The following MLLT10 variants were observed in gnomAD, a reference collection of about 807,000 sequenced individuals.
MLLT10 encodes the protein protein AF-10.
MLLT10 carries 30 observed loss-of-function variants against 129.1 expected under a neutral mutation model. The observed-to-expected ratio is 0.23, with a 90% CI of 0.17 to 0.32. MLLT10 has a LOEUF of 0.32. Ranked by LOEUF, MLLT10 falls within the 10% of genes least tolerant of loss-of-function variation. MLLT10 has a pLI of 1.00. For missense variants in MLLT10, 1,119 were observed against 1,268.3 expected, an observed-to-expected ratio of 0.88 and a Z score of 1.79; for synonymous variants, 490 against 446.4, an observed-to-expected ratio of 1.10 and a Z score of -1.23.
chr10:21,601,469 G>A (rs2043525104), intron 5 of MLLT10, among the ~76,000 whole-genome samples: 1 of 152,122 alleles, frequency 6.6e-6, no homozygotes, highest in Non-Finnish European at 1.5e-5. Context: ...TTGTTCATGA[G>A]ATTAAAATCT....
chr10:21,598,884 CA>C (rs1174144856), intron 5 of MLLT10, among the ~76,000 whole-genome samples: 2 of 143,150 alleles, frequency 1.4e-5, no homozygotes, highest in Non-Finnish European at 3.1e-5. Context: ...GATTCTGTCT[CA>C]AAAAAAAAAA....
At chr10:21,602,356 AT>A (rs142663738) in intron 5 of MLLT10, among the ~76,000 whole-genome samples, 17 of 151,120 alleles carry the variant, frequency 1.1e-4, no homozygotes, top group Admixed American at 4.0e-4. Context: ...AAATTTATTT[AT>A]TTTTTTTTGA....
At chr10:21,687,101 AT>A (rs936261570) in intron 13 of MLLT10, among the ~76,000 whole-genome samples, 4 of 152,184 alleles carry the variant, frequency 2.6e-5, no homozygotes, top group Non-Finnish European at 5.9e-5. Context: ...TTTAATTATG[AT>A]GCTTCTGGTT....
chr10:21,638,815 G>T (rs2047706714), intron 8 of MLLT10, among the ~76,000 whole-genome samples: 1 of 152,038 alleles, frequency 6.6e-6, no homozygotes, highest in South Asian at 2.1e-4. Context: ...GTTACAGTGG[G>T]GTAGAAATGA....
Position 21,743,417 on chromosome 10 carries a change from A to C in MLLT10, c.*1434A>C, listed in dbSNP as rs985852085. On this transcript the variant is annotated 3_prime_UTR_variant, in exon 23 of 23. Coordinates refer to ENST00000307729, the MANE Select transcript of MLLT10 (RefSeq NM_001195626.3). ...TGAAAAGTAAAATTAATTTATTTTT[A>C]TATGTTCAGGGGAATTTTAAAGTCA... 2 of 197,574 alleles carry C rather than the reference A, an allele frequency of 1.0e-5. No individual in the cohort carries two copies. The highest frequency in any genetic ancestry group is 2.1e-5 in the Non-Finnish European group (2 of 95,334). The allele number at this position is 197,574 out of a possible 1,614,324, so 12.2% of individuals were successfully genotyped here. A position where few individuals can be genotyped will look rare whatever the true frequency, so the allele number is the denominator to read the frequency against.
At position 21,725,900 on chromosome 10, in the gene MLLT10, G is replaced by A. The variant is rs1027911165; in HGVS notation, c.1879-344G>A. Among the ~76,000 whole-genome samples the A allele has an allele frequency of 6.9e-4, 104 of 151,512 alleles. 1 individual carries two copies. The highest frequency in any genetic ancestry group is 1.2e-4 in the Non-Finnish European group (8 of 67,884). ...CGAGTAGCTGGGACTACAGGCGCCC[G>A]CCACCATGCACGGCTAATTTTTTGT... On this transcript the variant is annotated intron_variant, in intron 14 of 22. Coordinates refer to ENST00000307729, the MANE Select transcript of MLLT10 (RefSeq NM_001195626.3).
chr10:21,699,927 G>T (rs938133891), intron 13 of MLLT10, among the ~76,000 whole-genome samples: 10 of 152,024 alleles, frequency 6.6e-5, no homozygotes, highest in Admixed American at 6.6e-4. Context: ...ATGTTATTTT[G>T]ATAAGGACTG....
chr10:21,694,001 A>T (rs989729200), intron 13 of MLLT10, among the ~76,000 whole-genome samples: 3 of 152,090 alleles, frequency 2.0e-5, no homozygotes, highest in East Asian at 1.9e-4. Flanking sequence ...TTTTCTTTTT[A>T]AAAAAAGAGC....
At chr10:21,606,351 TC>T (rs1166268868) in intron 5 of MLLT10, among the ~76,000 whole-genome samples, 1 of 152,178 alleles carries the variant, frequency 6.6e-6, no homozygotes, top group Non-Finnish European at 1.5e-5. Context: ...AGTCTGTGGA[TC>T]CAGGAGTCAA....
At chr10:21,725,494 G>T (rs1231498091) in intron 14 of MLLT10, among the ~76,000 whole-genome samples, 1 of 152,048 alleles carries the variant, frequency 6.6e-6, no homozygotes, top group Admixed American at 6.5e-5. Context: ...CGAGGCGGGT[G>T]GATCACCTGA....
At chr10:21,614,434 G>C (rs1488829992) in intron 6 of MLLT10, among the ~76,000 whole-genome samples, 1 of 151,964 alleles carries the variant, frequency 6.6e-6, no homozygotes, top group Non-Finnish European at 1.5e-5. Context: ...CCATCACTTC[G>C]GCCCTTTAGA....
At chr10:21,694,212 A>G (rs539526690) in intron 13 of MLLT10, among the ~76,000 whole-genome samples, 2 of 152,224 alleles carry the variant, frequency 1.3e-5, no homozygotes, top group South Asian at 2.1e-4. Context: ...CAGTATAGCT[A>G]TTAAGAACAG....
In MLLT10 at chr10:21,673,565, A is replaced by T. The variant is rs773035492; in HGVS notation, c.1267A>T (p.Thr423Ser). 5.6e-6 allele frequency: 9 copies of T among 1,613,162 alleles called. No individual in the cohort carries two copies. In the Admixed American group the frequency reaches 1.2e-4, roughly 21 times the overall value. The change falls in exon 11 of 23, where the codon ACC (threonine) becomes TCC (serine). Residue 423 changes from threonine to serine, a missense_variant. Thr to Ser is a moderately conservative substitution (Grantham distance 58, BLOSUM62 1). Transcript: ENST00000307729. The stretch of plus-strand genomic sequence containing the variant: ...TAGTACCTTAATTGGCCTCCCTTCA[A>T]CCTCAGCTGTTACTTCACAGCCTAA... ...SFSTLIGLPS[T>S]SAVTSQPKSF...
intron 14 of MLLT10, among the ~76,000 whole-genome samples, chr10:21,717,525 T>TCCTCCACCA (rs2056700512): frequency 8.9e-6 from 1 of 112,518 alleles, no homozygotes; most frequent in East Asian, 2.9e-4. Flanking sequence ...CACCACCTCC[T>TCCTCCACCA]CCTCCTCCTC....
chr10:21,662,436 G>A lies in MLLT10; in HGVS notation c.796-8013G>A, dbSNP rs913480943. On this transcript the variant is annotated intron_variant, in intron 9 of 22. Coordinates refer to ENST00000307729, the MANE Select transcript of MLLT10 (RefSeq NM_001195626.3). Reference sequence around the variant, plus strand: ...TTTTTTCTCTTTCCTTTTCAATTTTGGAAGTTTTTATTGTCATATCCTCAA... The same window carrying A: ...TTTTTTCTCTTTCCTTTTCAATTTTAGAAGTTTTTATTGTCATATCCTCAA... Among the ~76,000 whole-genome samples, 5 of 140,802 alleles carry A rather than the reference G, an allele frequency of 3.6e-5. No homozygotes were observed. In the South Asian group the frequency reaches 1.2e-3, roughly 34 times the overall value. 92.4% of individuals were successfully genotyped at this position (140,802 alleles called of 152,430 possible).
At chr10:21,540,970 A>G (rs1484254534) in intron 3 of MLLT10, among the ~76,000 whole-genome samples, 1 of 152,036 alleles carries the variant, frequency 6.6e-6, no homozygotes, top group Non-Finnish European at 1.5e-5. Flanking sequence ...GACCAGCCTG[A>G]GCAACATGGC....
At chr10:21,669,357 C>T (rs1386911538) in intron 9 of MLLT10, among the ~76,000 whole-genome samples, 1 of 152,026 alleles carries the variant, frequency 6.6e-6, no homozygotes, top group African/African-American at 2.4e-5. Flanking sequence ...AAAATGCCAG[C>T]CATTTTGAAA....
At chr10:21,646,264 C>T (rs548578414) in intron 8 of MLLT10, among the ~76,000 whole-genome samples, 20 of 152,184 alleles carry the variant, frequency 1.3e-4, no homozygotes, top group African/African-American at 4.3e-4. Flanking sequence ...AGCTTCTTTA[C>T]GGGGAAAGCA....
intron 9 of MLLT10, among the ~76,000 whole-genome samples, chr10:21,662,277 T>C (rs1589497610): frequency 6.6e-6 from 1 of 152,202 alleles, no homozygotes; most frequent in South Asian, 2.1e-4. Context: ...CGAGGGGAAG[T>C]TTTTGGACGT....
Sources: allele counts gnomAD v4.1 joint callset (sites outside exome capture counted in the v4.1 genomes callset), GRCh38; gene constraint gnomAD v4.1.1; transcripts MANE v1.5; gene names NCBI Gene and HGNC (gene_info 2026-07-23, HGNC 2026-07-21).